Variants in CRAMP1 observed in about 807,000 individuals in gnomAD.
CRAMP1 encodes protein cramped-like.
Under a neutral mutation model 115.4 loss-of-function variants are expected in CRAMP1, and 50 were observed. That is an observed-to-expected ratio of 0.43 (90% confidence interval 0.35 to 0.55). The LOEUF (loss-of-function observed/expected upper bound fraction) is 0.55, where lower values mean the gene tolerates loss of function less well. CRAMP1 is among the 20% of genes least tolerant of loss of function. The pLI, the probability that CRAMP1 is intolerant of heterozygous loss-of-function variation, is 0.01. For synonymous variants in CRAMP1, 866 were observed against 745.4 expected (o/e 1.16, Z -2.64); for missense variants, 1,679 against 1,721.7 (o/e 0.98, Z 0.44).
At position 1,635,634 on chromosome 16, in the gene CRAMP1, T is replaced by A. The variant is rs143038385; in HGVS notation, c.695-2190T>A. ...ACTTTCTTGTTTCTGGGTTGTGGGT[T>A]TTTTTCTTTTTGCCATTTCAAATAG... is the stretch of plus-strand genomic sequence containing the variant. On this transcript the variant is annotated intron_variant, in intron 4 of 20. Transcript: ENST00000397412. 2.0e-5 allele frequency among the ~76,000 whole-genome samples: 3 copies of A among 152,306 alleles called. No individual in the cohort carries two copies. In the East Asian group the frequency reaches 5.8e-4, roughly 29 times the overall value.
chr16:1,639,524 G>A (rs1252498415), intron 5 of CRAMP1, among the ~76,000 whole-genome samples: 1 of 152,012 alleles, frequency 6.6e-6, no homozygotes, highest in Non-Finnish European at 1.5e-5. Context: ...CTGATTGGTT[G>A]TGGAAAACAA....
chr16:1,651,456 T>G (rs2036722181), intron 6 of CRAMP1, among the ~76,000 whole-genome samples: 1 of 136,730 alleles, frequency 7.3e-6, no homozygotes, highest in Non-Finnish European at 1.6e-5. Flanking sequence ...GAGGTCATGT[T>G]GAGGTGGACT....
At chr16:1,619,648 T>G (rs2036449930) in intron 2 of CRAMP1, among the ~76,000 whole-genome samples, 1 of 151,870 alleles carries the variant, frequency 6.6e-6, no homozygotes, top group African/African-American at 2.4e-5. Flanking sequence ...AACAGTGGAG[T>G]TCTAGTTGTA....
intron 6 of CRAMP1, among the ~76,000 whole-genome samples, chr16:1,642,565 G>C (rs994823064): frequency 2.0e-5 from 3 of 152,198 alleles, no homozygotes; most frequent in Non-Finnish European, 4.4e-5. Context: ...TCAGAGCCCT[G>C]CTTCCTTCCC....
In CRAMP1 at chr16:1,656,319, C is replaced by T; in HGVS notation, c.1562C>T (p.Pro521Leu). ...RPPPRHQDTG[P>L]CLEKTPAEGR... ...CCTCCCAGGCACCAGGACACTGGGC[C>T]ATGTCTTGAGAAGACCCCTGCAGAA... is the stretch of plus-strand genomic sequence containing the variant. The change falls in exon 10 of 21, where the codon CCA becomes CTA. Residue 521 changes from proline to leucine, a missense_variant. Around this residue, in one of 8 missense-constraint regions of CRAMP1, gnomAD observed 405 missense variants for 302.6 expected, o/e 1.34. Coordinates refer to ENST00000397412, the MANE Select transcript of CRAMP1 (RefSeq NM_020825.4). This position sits in a 1 kb window ranked among gnomAD's most constrained non-coding sequence, Gnocchi z 5.6. 5 of 1,611,550 alleles carry T rather than the reference C, an allele frequency of 3.1e-6. No individual in the cohort carries two copies. The highest frequency in any genetic ancestry group is 1.7e-4 in the Middle Eastern group (1 of 6,056).
At chr16:1,641,858 G>C (rs1290747758) in intron 6 of CRAMP1, among the ~76,000 whole-genome samples, 1 of 151,656 alleles carries the variant, frequency 6.6e-6, no homozygotes, top group Non-Finnish European at 1.5e-5. Context: ...CCGCAGCCTG[G>C]GGGTCTCCAC....
rs1220374514 is a variant in CRAMP1 at position 1,656,060 on chromosome 16, A to G, written c.1303A>G (p.Ser435Gly). 2 of 1,611,256 alleles carry G rather than the reference A, an allele frequency of 1.2e-6. No homozygotes were observed. Among genetic ancestry groups the G allele is most frequent in the Non-Finnish European group, 8.5e-7 (1 of 1,179,278 alleles). ...GCAGGAGGGCGGCCGGTGCAAGCAG[A>G]GTGCCAAGGACGCCCACGTGCTGCC... ...HWQEGGRCKQ[S>G]AKDAHVLPPA... is the part of the protein sequence containing the mutation. Residue 435 changes from serine to glycine, a missense_variant, in exon 10 of 21, where the codon AGT becomes GGT. Transcript: ENST00000397412. The surrounding 1 kb of genome is among the most constrained non-coding windows in gnomAD (Gnocchi z 5.6).
rs748690728 is a variant in CRAMP1 at position 1,637,894 on chromosome 16, G to A, written c.765G>A (p.Lys255=). 1 of 1,550,112 alleles carries A rather than the reference G, an allele frequency of 6.5e-7. No individual in the cohort carries two copies. Among genetic ancestry groups the A allele is most frequent in the Non-Finnish European group, 8.7e-7 (1 of 1,148,206 alleles). ...YGLICYGELR[K]KIGGCMDDKN... Reference sequence around the variant, plus strand: ...TGATCTGCTATGGCGAGCTGCGCAAGAAGATTGGGGGCTGTGAGTACGCTG... The same window carrying A: ...TGATCTGCTATGGCGAGCTGCGCAAAAAGATTGGGGGCTGTGAGTACGCTG... Residue 255 remains lysine (K), a synonymous_variant, in exon 5 of 21, where the codon AAG becomes AAA. Transcript: ENST00000397412.
chr16:1,621,277 T>A (rs2036463543), intron 2 of CRAMP1, among the ~76,000 whole-genome samples: 1 of 152,234 alleles, frequency 6.6e-6, no homozygotes, highest in Non-Finnish European at 1.5e-5. Context: ...AGGGCCTGTC[T>A]GGAGCTAGGT....
At chr16:1,635,184 C>T (rs1024395440) in intron 4 of CRAMP1, among the ~76,000 whole-genome samples, 1 of 152,214 alleles carries the variant, frequency 6.6e-6, no homozygotes, top group Non-Finnish European at 1.5e-5. Context: ...AGGCGTGAGC[C>T]ACCACGCCTG....
At chr16:1,631,141 A>T (rs59618125) in intron 3 of CRAMP1, among the ~76,000 whole-genome samples, 3,381 of 152,132 alleles carry the variant, frequency 0.022, 233 homozygotes, top group Admixed American at 0.13. Flanking sequence ...TGTTTCCTTT[A>T]TTCTTTCTGT....
At chr16:1,619,061 G>C (rs1265638015) in intron 2 of CRAMP1, among the ~76,000 whole-genome samples, 1 of 152,198 alleles carries the variant, frequency 6.6e-6, no homozygotes, top group African/African-American at 2.4e-5. Flanking sequence ...CTTATGTAAG[G>C]ATATAACAGG....
rs1157584038 is a variant in CRAMP1 at position 1,656,621 on chromosome 16, G to A, written c.1864G>A (p.Gly622Arg). ...TGGCCCATCCCCGAGGCCCGGCCCC[G>A]GGCTCCTGCTGGATGTTTGCACTAA... ...PTGPSPRPGPGLLLDVCTKDL... is the reference protein window; with the variant it reads ...PTGPSPRPGPRLLLDVCTKDL... Residue 622 changes from glycine to arginine, a missense_variant, in exon 10 of 21, where the codon GGG (glycine) becomes AGG (arginine). Gly to Arg is a moderately radical substitution (Grantham distance 125). Around this residue, in one of 8 missense-constraint regions of CRAMP1, gnomAD observed 405 missense variants for 302.6 expected, o/e 1.34. Coordinates refer to ENST00000397412, the MANE Select transcript of CRAMP1 (RefSeq NM_020825.4). This position sits in a 1 kb window ranked among gnomAD's most constrained non-coding sequence, Gnocchi z 5.6. The A allele has an allele frequency of 1.2e-5, 19 of 1,575,770 alleles. No individual in the cohort carries two copies. The highest frequency in any genetic ancestry group is 2.3e-5 in the East Asian group (1 of 42,636).
At chr16:1,670,557 C>A in intron 19 of CRAMP1, 107 bp from the exon 20 acceptor site, 1 of 1,232,800 alleles carries the variant, frequency 8.1e-7, no homozygotes, top group Non-Finnish European at 1.2e-6. Context: ...GGGGCCGGGG[C>A]CGGGGCTAGG....
At chr16:1,652,802 G>A (rs896744159) in intron 7 of CRAMP1, among the ~76,000 whole-genome samples, 5 of 152,204 alleles carry the variant, frequency 3.3e-5, no homozygotes, top group Admixed American at 3.3e-4. Flanking sequence ...AGTGGTCGGA[G>A]GTTGTCAGGA....
chr16:1,673,507 C>T (rs776391026), intron 20 of CRAMP1, among the ~76,000 whole-genome samples: 2 of 151,828 alleles, frequency 1.3e-5, no homozygotes, highest in Non-Finnish European at 2.9e-5. Context: ...CTCCTTTTCC[C>T]GGCACTCTCT....
At chr16:1,642,516 G>A (rs1246572143) in intron 6 of CRAMP1, among the ~76,000 whole-genome samples, 1 of 152,222 alleles carries the variant, frequency 6.6e-6, no homozygotes, top group Admixed American at 6.5e-5. Flanking sequence ...CAGCCATAGG[G>A]AGGGTGTTCA....
At chr16:1,642,672 C>G (rs1401218904) in intron 6 of CRAMP1, among the ~76,000 whole-genome samples, 1 of 152,226 alleles carries the variant, frequency 6.6e-6, no homozygotes, top group African/African-American at 2.4e-5. Flanking sequence ...GCCCAAGATC[C>G]AAGGCTTGGT....
rs1256334691 is a variant in CRAMP1, at chr16:1,666,144, G to T, written c.2824G>T (p.Val942Phe). The change falls in exon 15 of 21, where the codon GTC (valine) becomes TTC (phenylalanine). Residue 942 changes from valine to phenylalanine, a missense_variant. Physicochemically the swap from Val to Phe is conservative, Grantham distance 50. Around this residue, in one of 8 missense-constraint regions of CRAMP1, gnomAD observed 709 missense variants for 741.9 expected, o/e 0.96. Coordinates refer to ENST00000397412, the MANE Select transcript of CRAMP1 (RefSeq NM_020825.4). This position sits in a 1 kb window ranked among gnomAD's most constrained non-coding sequence, Gnocchi z 5.0. The stretch of plus-strand genomic sequence containing the variant: ...TCTGTCTCGGCCGATCGTGCCCAAG[G>T]TCCTTCCACCCCAGGCCACGAGTCA... ...AALSRPIVPK[V>F]LPPQATSHLA... The T allele has an allele frequency of 1.2e-6, 2 of 1,610,518 alleles. No individual in the cohort carries two copies. The highest frequency in any genetic ancestry group is 1.7e-6 in the Non-Finnish European group (2 of 1,178,516).
Sources: allele counts gnomAD v4.1 joint callset (sites outside exome capture counted in the v4.1 genomes callset), GRCh38; gene constraint gnomAD v4.1.1; regional missense constraint gnomAD v4.1.1; non-coding constraint Gnocchi (gnomAD v3.1); transcripts MANE v1.5; gene names NCBI Gene and HGNC (gene_info 2026-07-23, HGNC 2026-07-21).